CEACAM1: variants seen among roughly 807,000 people sequenced by gnomAD.
CEACAM1 encodes the protein cell adhesion molecule CEACAM1.
Under a neutral mutation model 49.1 loss-of-function variants are expected in CEACAM1, and 31 were observed. That is an observed-to-expected ratio of 0.63 (90% confidence interval 0.47 to 0.85). CEACAM1 has a LOEUF of 0.85. Ranked by LOEUF, CEACAM1 falls within the 40% of genes least tolerant of loss-of-function variation. The pLI is 0.00. For missense variants in CEACAM1, 570 were observed against 645.3 expected (o/e 0.88, Z 1.26); for synonymous variants, 244 against 247.8 (o/e 0.98, Z 0.14).
chr19:42,527,188 G>C lies in CEACAM1; in HGVS notation c.277C>G (p.Pro93Ala), dbSNP rs772076119. The C allele has an allele frequency of 1.1e-5, 17 of 1,614,156 alleles. 1 individual carries two copies. In the South Asian group the frequency reaches 1.9e-4, roughly 18 times the overall value. ...ATTGTCTCTCGACCGCTGTTTGCGG[G>C]CCCTGGGGTAGCTTGTTGAGTTCCT... ...AIGTQQATPG[P>A]ANSGRETIYP... The change falls in exon 2 of 9, where the codon CCC becomes GCC. Residue 93 changes from proline (P) to alanine (A), a missense_variant. Pro to Ala is a conservative substitution (Grantham distance 27, BLOSUM62 -1). Coordinates refer to ENST00000161559, the MANE Select transcript of CEACAM1 (RefSeq NM_001712.5).
intron 5 of CEACAM1, among the ~76,000 whole-genome samples, chr19:42,513,915 T>TATATATATATATAGATAA (rs1432939598): frequency 1.5e-5 from 2 of 129,808 alleles, no homozygotes; most frequent in African/African-American, 7.4e-5. Context: ...TATATATATA[T>TATATATATATATAGATAA]ATAATATATA....
intron 7 of CEACAM1, 186 bp from the exon 8 acceptor site, chr19:42,511,106 C>T (rs2041445699): frequency 6.4e-6 from 4 of 620,830 alleles, no homozygotes; most frequent in Non-Finnish European, 1.1e-5. Context: ...GGCAGAACCA[C>T]AGGAGGCCAC....
chr19:42,522,030 G>T lies in CEACAM1; in HGVS notation c.597C>A (p.Thr199=). ...PRLQLSNGNR[T]LTLLSVTRND... is the part of the protein sequence containing the mutation. ...TCCTTGTGACACTGAGTAGAGTGAG[G>T]GTCCTGTTGCCATTGGACAGCTGCA... Residue 199 remains threonine (T), a synonymous_variant, in exon 3 of 9, where the codon ACC becomes ACA. Transcript: ENST00000161559. The T allele has an allele frequency of 1.2e-6, 2 of 1,614,180 alleles. No homozygotes were observed. The highest frequency in any genetic ancestry group is 1.7e-6 in the Non-Finnish European group (2 of 1,180,024).
At position 42,527,306 on chromosome 19, in the gene CEACAM1, GAGA is replaced by G. The variant is rs749866933; in HGVS notation, c.156_158del (p.Leu54del). 3 of 1,612,596 alleles carry G rather than the reference GAGA, an allele frequency of 1.9e-6. No individual in the cohort carries two copies. In the South Asian group the frequency reaches 3.3e-5, roughly 18 times the overall value. ...GTTGCTGGGGCAGATTGTGGACAAG[GAGA>G]AGAACCTCCTTCCCCTCTGCAACAT... On this transcript the variant is annotated inframe_deletion, in exon 2 of 9. Transcript: ENST00000161559.
In CEACAM1 at chr19:42,527,504, A is replaced by AGTGAGTGT. The variant is rs2041922226; in HGVS notation, c.65-105_65-104insACACTCAC. ...AGGTGTCTTCACCCCTCCACCTTGGAGTGTGTGTGTGTGTGTGTGTGTGTG... is the reference window on the plus strand; with the variant it reads ...AGGTGTCTTCACCCCTCCACCTTGGAGTGAGTGTGTGTGTGTGTGTGTGTGTGTGTGTG... On this transcript the variant is annotated intron_variant, in intron 1 of 8. Transcript: ENST00000161559. The AGTGAGTGT allele has an allele frequency of 2.4e-5, 17 of 715,566 alleles. No individual in the cohort carries two copies. The South Asian group carries it at 4.2e-4, about 17-fold the overall frequency. 44.3% of individuals were successfully genotyped at this position (715,566 alleles called of 1,614,324 possible). A position where few individuals can be genotyped will look rare whatever the true frequency, so the allele number is the denominator to read the frequency against.
chr19:42,510,245 C>G (rs2041425756), intron 8 of CEACAM1, among the ~76,000 whole-genome samples: 1 of 152,190 alleles, frequency 6.6e-6, no homozygotes, highest in South Asian at 2.1e-4. Flanking sequence ...GCCACCACAG[C>G]TGGCTAATTT....
intron 4 of CEACAM1, 57 bp downstream of exon 4, chr19:42,521,210 G>T: frequency 6.3e-7 from 1 of 1,585,190 alleles, no homozygotes; most frequent in South Asian, 1.1e-5. Context: ...GCTCCTATTT[G>T]AAAACCAGAA....
intron 4 of CEACAM1, among the ~76,000 whole-genome samples, chr19:42,520,255 C>G (rs1332948838): frequency 6.6e-6 from 1 of 152,266 alleles, no homozygotes. Flanking sequence ...TCTGTGCTAT[C>G]CCATGTGCTG....
Position 42,510,898 on chromosome 19 carries a change from T to C in CEACAM1, c.1452A>G (p.Pro484=), listed in dbSNP as rs759785203. The change falls in exon 8 of 9, where the codon CCA becomes CCG. Residue 484 remains proline, a synonymous_variant. Coordinates refer to ENST00000161559, the MANE Select transcript of CEACAM1 (RefSeq NM_001712.5). The stretch of plus-strand genomic sequence containing the variant: ...AACCGGCTATGCTTACCTTGTTAGG[T>C]GGGTCATTGGAGTGGTCCTGAGCTG... ...SNHTQDHSND[P]PNKMNEVTYS... 4 of 1,613,812 alleles carry C rather than the reference T, an allele frequency of 2.5e-6. No individual in the cohort carries two copies. The Admixed American group carries it at 6.7e-5, about 27-fold the overall frequency.
Position 42,507,402 on chromosome 19 carries a change from C to A in CEACAM1, c.*1707G>T, listed in dbSNP as rs1429526885. On this transcript the variant is annotated 3_prime_UTR_variant, in exon 9 of 9. Transcript: ENST00000161559. ...AGCCAGGAAAAATTAAATAACACAG[C>A]ACAGCATGGATGAGGGAAAGTATGC... The A allele has an allele frequency of 6.6e-6, 1 of 152,066 alleles. No individual in the cohort carries two copies. Among genetic ancestry groups the A allele is most frequent in the African/African-American group, 2.4e-5 (1 of 41,396 alleles). The allele number at this position is 152,066 out of a possible 1,614,324, so 9.4% of individuals were successfully genotyped here.
chr19:42,519,311 T>C, intron 4 of CEACAM1, 76 bp from the exon 5 acceptor site: 1 of 1,460,740 alleles, frequency 6.8e-7, no homozygotes, highest in Non-Finnish European at 9.4e-7. Context: ...TATGCTCCTT[T>C]CCCTGAGATT....
intron 7 of CEACAM1, 141 bp downstream of exon 7, chr19:42,511,435 C>T (rs559463953): frequency 1.2e-5 from 9 of 729,450 alleles, no homozygotes; most frequent in East Asian, 2.5e-5. Flanking sequence ...AAGACCTATG[C>T]CACCTTAGGG....
rs1322070246 is a variant in CEACAM1 at position 42,508,437 on chromosome 19, G to C, written c.*672C>G. On this transcript the variant is annotated 3_prime_UTR_variant, in exon 9 of 9. Coordinates refer to ENST00000161559, the MANE Select transcript of CEACAM1 (RefSeq NM_001712.5). ...CAGGAATTGCCTTGGATTTTGGCAA[G>C]TGATTTTCCTAGTTGCTTCTAGTGG... 6.6e-6 allele frequency: 1 copy of C among 152,446 alleles called. No individual in the cohort carries two copies. Among genetic ancestry groups the C allele is most frequent in the African/African-American group, 2.4e-5 (1 of 41,460 alleles). 9.4% of individuals were successfully genotyped at this position (152,446 alleles called of 1,614,324 possible).
At chr19:42,518,654 T>C (rs1012351925) in intron 5 of CEACAM1, 27 of 340,334 alleles carry the variant, frequency 7.9e-5, no homozygotes, top group Middle Eastern at 9.3e-4. Flanking sequence ...CCCGCCACCA[T>C]GCCCGGCTAA....
chr19:42,510,438 A>G (rs2041430748), intron 8 of CEACAM1, among the ~76,000 whole-genome samples: 1 of 152,254 alleles, frequency 6.6e-6, no homozygotes, highest in African/African-American at 2.4e-5. Context: ...TCTCAGATCT[A>G]TTAAAATTGA....
At chr19:42,515,187 C>T in intron 5 of CEACAM1, 1 of 529,074 alleles carries the variant, frequency 1.9e-6, no homozygotes, top group Non-Finnish European at 3.4e-6. Flanking sequence ...TGCTTGAGCC[C>T]AGGAGGTTGA....
Position 42,509,077 on chromosome 19 carries a change from C to T in CEACAM1, c.*32G>A, listed in dbSNP as rs775074885. 2 of 1,613,356 alleles carry T rather than the reference C, an allele frequency of 1.2e-6. No homozygotes were observed. The highest frequency in any genetic ancestry group is 1.7e-5 in the Admixed American group (1 of 59,996). On this transcript the variant is annotated 3_prime_UTR_variant, in exon 9 of 9. Coordinates refer to ENST00000161559, the MANE Select transcript of CEACAM1 (RefSeq NM_001712.5). ...TGATGAGGGTGAGAGACTTGAAATA[C>T]ATCAGCACTGCAGTGAGCAGGACAG...
At chr19:42,527,504 A>AGGGT (rs1360275105) in intron 1 of CEACAM1, 104 bp from the exon 2 acceptor site, 1 of 667,546 alleles carries the variant, frequency 1.5e-6, no homozygotes, top group Admixed American at 3.2e-5. Flanking sequence ...TCCACCTTGG[A>AGGGT]GTGTGTGTGT....
At chr19:42,522,223 A>C (rs746220571) in intron 2 of CEACAM1, 21 bp from the exon 3 acceptor site, 16 of 1,613,878 alleles carry the variant, frequency 9.9e-6, no homozygotes, top group Non-Finnish European at 1.1e-5. Context: ...AACAGAGAGA[A>C]GATTGCCCTG....
Sources: gnomAD v4.1 joint callset for allele counts (sites outside exome capture counted in the v4.1 genomes callset) on GRCh38, gnomAD v4.1.1 for gene constraint, MANE v1.5 for transcripts, NCBI Gene and HGNC (gene_info 2026-07-23, HGNC 2026-07-21) for gene names.